ANO2: variants seen among roughly 807,000 people sequenced by gnomAD.
ANO2 encodes the protein anoctamin-2.
In ANO2, 101 loss-of-function variants were observed where a neutral mutation model predicts 124.2. The observed-to-expected ratio is 0.81, with a 90% CI of 0.69 to 0.96. ANO2 has a LOEUF of 0.96. Ranked by LOEUF, ANO2 falls within the 40% of genes least tolerant of loss-of-function variation. The pLI is 0.00. For synonymous variants in ANO2, 486 were observed against 482.5 expected (o/e 1.01, Z -0.09); for missense variants, 1,293 against 1,274.5 (o/e 1.01, Z -0.22).
chr12:5,778,274 G>T (rs2137130056), intron 10 of ANO2, among the ~76,000 whole-genome samples: 1 of 152,276 alleles, frequency 6.6e-6, no homozygotes, highest in South Asian at 2.1e-4. Flanking sequence ...AGAAAACAGA[G>T]AAGTTAAATG....
chr12:5,566,197 A>C (rs541096007), intron 23 of ANO2, among the ~76,000 whole-genome samples: 11 of 152,224 alleles, frequency 7.2e-5, no homozygotes, highest in African/African-American at 2.4e-4. Flanking sequence ...AACCAAAAAG[A>C]AGGCTGATCC....
chr12:5,705,360 T>C (rs12582655), intron 14 of ANO2, among the ~76,000 whole-genome samples: 18,134 of 152,088 alleles, frequency 0.12, 1,222 homozygotes, highest in African/African-American at 0.18. Flanking sequence ...ATGAATGCTA[T>C]CCACTTTAAA....
chr12:5,913,400 GGGA>G (rs1941173037), intron 3 of ANO2, among the ~76,000 whole-genome samples: 1 of 152,226 alleles, frequency 6.6e-6, no homozygotes, highest in Non-Finnish European at 1.5e-5. Context: ...GCAGCCTCCA[GGGA>G]GGGCAAAAAG....
chr12:5,635,211 A>G lies in ANO2; in HGVS notation c.1757T>C (p.Val586Ala), dbSNP rs1427487883. The change falls in exon 16 of 25, where the codon GTG becomes GCG. Residue 586 changes from valine (V) to alanine (A), a missense_variant. Val to Ala is a moderately conservative substitution (Grantham distance 64). Coordinates refer to ENST00000682330, the MANE Select transcript of ANO2 (RefSeq NM_001364791.2). The surrounding 1 kb of genome is among the most constrained non-coding windows in gnomAD (Gnocchi z 5.2). ...GATCTCGTCCAGGATGAGGATGACCACGAGGTTGATGATGACTGCTGTTGC... is the reference window on the plus strand; with the variant it reads ...GATCTCGTCCAGGATGAGGATGACCGCGAGGTTGATGATGACTGCTGTTGC... ...VTATAVIINLVVILILDEIYG... is the reference protein window; with the variant it reads ...VTATAVIINLAVILILDEIYG... 1 of 1,611,416 alleles carries G rather than the reference A, an allele frequency of 6.2e-7. No individual in the cohort carries two copies. The highest frequency in any genetic ancestry group is 8.5e-7 in the Non-Finnish European group (1 of 1,179,110).
At chr12:5,634,029 C>A (rs561813696) in intron 16 of ANO2, among the ~76,000 whole-genome samples, 1 of 152,322 alleles carries the variant, frequency 6.6e-6, no homozygotes, top group East Asian at 1.9e-4. Flanking sequence ...TTCCGAAGTG[C>A]TTCCATAGAA....
rs1218803766 is a variant in ANO2, at chr12:5,578,375, T to C, written c.2377A>G (p.Lys793Glu). 6.2e-7 allele frequency: 1 copy of C among 1,613,718 alleles called. No homozygotes were observed. Among genetic ancestry groups the C allele is most frequent in the African/African-American group, 1.3e-5 (1 of 74,936 alleles). The change falls in exon 21 of 25, where the codon AAA becomes GAA. Residue 793 changes from lysine (K) to glutamate (E), a missense_variant. By Grantham distance (56) the Lys-to-Glu change is moderately conservative (BLOSUM62 1). Transcript: ENST00000682330. ...ELRRPDAVRT[K>E]DIGIWFDILS... Reference sequence around the variant, plus strand: ...TAAGTGGGGCACGTACCGATATCTTTGGTTCTTACAGCATCCGGCCGTCTC... The same window carrying C: ...TAAGTGGGGCACGTACCGATATCTTCGGTTCTTACAGCATCCGGCCGTCTC...
chr12:5,918,609 TTTTG>T (rs1446876256), intron 3 of ANO2, among the ~76,000 whole-genome samples: 1 of 151,904 alleles, frequency 6.6e-6, no homozygotes, highest in African/African-American at 2.4e-5. Flanking sequence ...CTGGCTAACT[TTTTG>T]TATTTTTAGT....
At chr12:5,907,442 C>T (rs1193530295) in intron 3 of ANO2, among the ~76,000 whole-genome samples, 2 of 152,228 alleles carry the variant, frequency 1.3e-5, no homozygotes, top group Non-Finnish European at 2.9e-5. Flanking sequence ...ACCTTTTACT[C>T]TGGGAGCCCA....
In ANO2 at chr12:5,900,896, A is replaced by G. The variant is rs1021599980; in HGVS notation, c.534+20144T>C. On this transcript the variant is annotated intron_variant, in intron 3 of 24. Coordinates refer to ENST00000682330, the MANE Select transcript of ANO2 (RefSeq NM_001364791.2). This position sits in a 1 kb window ranked among gnomAD's most constrained non-coding sequence, Gnocchi z 4.2. Reference sequence around the variant, plus strand: ...TCAGAGAAAGCCCAACAGCTGGGACAGGTCTCAGTCTAGGTCATTCCCCTG... The same window carrying G: ...TCAGAGAAAGCCCAACAGCTGGGACGGGTCTCAGTCTAGGTCATTCCCCTG... Among the ~76,000 whole-genome samples, 30 of 152,346 alleles carry G rather than the reference A, an allele frequency of 2.0e-4. No homozygotes were observed. Among genetic ancestry groups the G allele is most frequent in the African/African-American group, 6.3e-4 (26 of 41,584 alleles).
At chr12:5,793,969 CA>C (rs1223644499) in intron 10 of ANO2, among the ~76,000 whole-genome samples, 1 of 152,110 alleles carries the variant, frequency 6.6e-6, no homozygotes, top group South Asian at 2.1e-4. Context: ...CTTTCCACAG[CA>C]TGATGGGATT....
At position 5,807,325 on chromosome 12, in the gene ANO2, G is replaced by A; in HGVS notation, c.936C>T (p.Tyr312=). The A allele has an allele frequency of 6.4e-7, 1 of 1,554,620 alleles. No homozygotes were observed. The highest frequency in any genetic ancestry group is 8.7e-7 in the Non-Finnish European group (1 of 1,148,798). Residue 312 remains tyrosine (Y), a synonymous_variant, in exon 8 of 25, where the codon TAC becomes TAT. Coordinates refer to ENST00000682330, the MANE Select transcript of ANO2 (RefSeq NM_001364791.2). The part of the protein sequence containing the change: ...LIANNIYEAA[Y]PLHDGEYDSP... Reference sequence around the variant, plus strand: ...AAATAGTACTTACGTCATGAAGAGGGTAGGCAGCCTCATAGATATTGTTTG... The same window carrying A: ...AAATAGTACTTACGTCATGAAGAGGATAGGCAGCCTCATAGATATTGTTTG...
chr12:5,932,962 A>T (rs1323268089), intron 1 of ANO2, among the ~76,000 whole-genome samples: 1 of 152,192 alleles, frequency 6.6e-6, no homozygotes, highest in Admixed American at 6.5e-5. Context: ...AAAGGCAGTG[A>T]TTTGTATGAT....
chr12:5,623,254 G>A (rs1371879430), intron 16 of ANO2, among the ~76,000 whole-genome samples: 1 of 152,118 alleles, frequency 6.6e-6, no homozygotes, highest in Non-Finnish European at 1.5e-5. Flanking sequence ...AATGGAGAGA[G>A]GGTGAGGAGA....
intron 10 of ANO2, among the ~76,000 whole-genome samples, chr12:5,767,219 T>C (rs1951920451): frequency 6.6e-6 from 1 of 152,140 alleles, no homozygotes; most frequent in Non-Finnish European, 1.5e-5. Context: ...CAAATGTGGG[T>C]GTTCTTAGTA....
At chr12:5,573,451 G>A (rs1009259797) in intron 23 of ANO2, among the ~76,000 whole-genome samples, 13 of 152,170 alleles carry the variant, frequency 8.5e-5, no homozygotes, top group South Asian at 2.1e-4. Context: ...GGAGACCTGC[G>A]CTCTTAGAGA....
chr12:5,832,038 C>G (rs536330463), intron 5 of ANO2, among the ~76,000 whole-genome samples: 124 of 152,260 alleles, frequency 8.1e-4, no homozygotes, highest in South Asian at 3.5e-3. Flanking sequence ...ATCCAGAAAC[C>G]CAGAAGCTTC....
At chr12:5,892,239 C>CA (rs550300147) in intron 3 of ANO2, among the ~76,000 whole-genome samples, 72 of 151,980 alleles carry the variant, frequency 4.7e-4, no homozygotes, top group Non-Finnish European at 9.3e-4. Flanking sequence ...ACAACAGAGA[C>CA]AAAAAAACAT....
intron 20 of ANO2, chr12:5,583,881 C>A: frequency 4.9e-6 from 1 of 202,100 alleles, no homozygotes; most frequent in Non-Finnish European, 1.1e-5. Flanking sequence ...AGATGGCATT[C>A]CCATCAAGAG....
chr12:5,898,429 G>C (rs1939942970), intron 3 of ANO2, among the ~76,000 whole-genome samples: 1 of 152,096 alleles, frequency 6.6e-6, no homozygotes, highest in Non-Finnish European at 1.5e-5. Context: ...CAAAAGACCT[G>C]TAAAAGAATA....
Sources: allele counts gnomAD v4.1 joint callset (sites outside exome capture counted in the v4.1 genomes callset), GRCh38; gene constraint gnomAD v4.1.1; non-coding constraint Gnocchi (gnomAD v3.1); transcripts MANE v1.5; gene names NCBI Gene and HGNC (gene_info 2026-07-23, HGNC 2026-07-21).